The following ROBO2 variants were observed in gnomAD, a reference collection of about 807,000 sequenced individuals.
ROBO2 encodes the protein roundabout homolog 2.
A neutral mutation model predicts 160.8 loss-of-function variants in ROBO2; 53 were observed. That is an observed-to-expected ratio of 0.33 (90% confidence interval 0.26 to 0.41). The LOEUF (loss-of-function observed/expected upper bound fraction) is 0.41. ROBO2 is among the 10% of genes least tolerant of loss of function. The pLI is 1.00. For synonymous variants in ROBO2, 664 were observed against 611.7 expected (o/e 1.09, Z -1.26); for missense variants, 1,577 against 1,722.4 (o/e 0.92, Z 1.49).
At chr3:76,160,421 T>G (rs13434220) in intron 2 of ROBO2, among the ~76,000 whole-genome samples, 7,020 of 150,004 alleles carry the variant, frequency 0.047, 374 homozygotes, top group East Asian at 0.23. Flanking sequence ...TAATTGAGAT[T>G]TCTATGATGT....
At chr3:76,916,101 G>T (rs925050001) in intron 2 of ROBO2, among the ~76,000 whole-genome samples, 2 of 152,132 alleles carry the variant, frequency 1.3e-5, no homozygotes, top group African/African-American at 4.8e-5. Flanking sequence ...TTTGGGGGCT[G>T]GGGGGACGCA....
chr3:76,272,641 C>G (rs1032251273), intron 2 of ROBO2, among the ~76,000 whole-genome samples: 4 of 81,908 alleles, frequency 4.9e-5, no homozygotes, highest in Non-Finnish European at 1.3e-4. Context: ...CCAGCCTGGG[C>G]GAAAGAGCGA....
intron 2 of ROBO2, among the ~76,000 whole-genome samples, chr3:77,205,358 CA>C (rs2083325990): frequency 6.6e-6 from 1 of 151,964 alleles, no homozygotes. Context: ...CCTCTCTGAG[CA>C]CCCCCAGCAG....
At chr3:76,233,163 A>G (rs1039703087) in intron 2 of ROBO2, among the ~76,000 whole-genome samples, 2 of 151,034 alleles carry the variant, frequency 1.3e-5, no homozygotes, top group Non-Finnish European at 2.9e-5. Flanking sequence ...TTTATTTTTC[A>G]GGTAAAGTCT....
chr3:76,487,980 C>T (rs989588163), intron 2 of ROBO2, among the ~76,000 whole-genome samples: 2 of 152,146 alleles, frequency 1.3e-5, no homozygotes, highest in African/African-American at 4.8e-5. Flanking sequence ...ACATCATTAC[C>T]TTTGCCATAT....
intron 2 of ROBO2, among the ~76,000 whole-genome samples, chr3:77,015,893 A>G (rs551380958): frequency 6.6e-6 from 1 of 152,088 alleles, no homozygotes; most frequent in Non-Finnish European, 1.5e-5. Context: ...TTGAAATATA[A>G]CTTGATCTAA....
At chr3:76,721,140 A>G (rs2093459447) in intron 2 of ROBO2, among the ~76,000 whole-genome samples, 1 of 152,238 alleles carries the variant, frequency 6.6e-6, no homozygotes, top group African/African-American at 2.4e-5. Context: ...TTAATAAAAA[A>G]TCAATCTGTA....
Position 76,851,764 on chromosome 3 carries a change from A to AATATATATATATATATATATATATATAT in ROBO2, c.110-246246_110-246245insATATATATATATATATATATATATATAT, listed in dbSNP as rs1553659596. ...CTCAAAAAAAAAAAAAAAAAAAAAA[A>AATATATATATATATATATATATATATAT]ATATTAACATGTGCTTGAATATAGT... On this transcript the variant is annotated intron_variant, in intron 2 of 26. Transcript: ENST00000487694. Among the ~76,000 whole-genome samples the AATATATATATATATATATATATATATAT allele has an allele frequency of 6.6e-5, 9 of 137,024 alleles. No homozygotes were observed. The East Asian group carries it at 1.1e-3, about 16-fold the overall frequency. 89.9% of individuals were successfully genotyped at this position (137,024 alleles called of 152,430 possible).
intron 2 of ROBO2, among the ~76,000 whole-genome samples, chr3:76,659,239 T>G (rs1260802151): frequency 6.7e-6 from 1 of 150,146 alleles, no homozygotes; most frequent in African/African-American, 2.4e-5. Flanking sequence ...ATATTATATT[T>G]ATTATATTAT....
rs542376276 is a variant in ROBO2 at position 76,292,510 on chromosome 3, C to A, written c.109+354908C>A. Among the ~76,000 whole-genome samples the A allele has an allele frequency of 6.6e-5, 10 of 152,248 alleles. No homozygotes were observed. In the East Asian group the frequency reaches 1.4e-3, roughly 21 times the overall value. On this transcript the variant is annotated intron_variant, in intron 2 of 26. Coordinates refer to the ROBO2 transcript ENST00000487694. Reference sequence around the variant, plus strand: ...AAGAATGTAGACTCTCTATTCCACCCATTCTATCCTTTTACTTCCATGTGT... The same window carrying A: ...AAGAATGTAGACTCTCTATTCCACCAATTCTATCCTTTTACTTCCATGTGT...
chr3:75,981,394 C>A (rs1039894846), intron 2 of ROBO2, among the ~76,000 whole-genome samples: 1 of 151,308 alleles, frequency 6.6e-6, no homozygotes, highest in African/African-American at 2.4e-5. Flanking sequence ...GTACGTATAT[C>A]TTGAAAGACA....
rs58517740 is a variant in ROBO2, at chr3:76,521,045, C to CTTTTT, written c.110-576950_110-576946dup. On this transcript the variant is annotated intron_variant, in intron 2 of 26. Coordinates refer to the ROBO2 transcript ENST00000487694. Reference sequence around the variant, plus strand: ...AAAACAGTTGCAACAAAAATTGCTTCTTTTTTTTTTTTTTTTTTTTTTTGA... The same window carrying CTTTTT: ...AAAACAGTTGCAACAAAAATTGCTTCTTTTTTTTTTTTTTTTTTTTTTTTTTTTGA... Among the ~76,000 whole-genome samples the CTTTTT allele has an allele frequency of 3.4e-3, 345 of 100,060 alleles. 3 individuals are homozygous for CTTTTT. Among genetic ancestry groups the CTTTTT allele is most frequent in the African/African-American group, 0.012 (292 of 24,074 alleles). The allele number at this position is 100,060 out of a possible 152,430, so 65.6% of individuals were successfully genotyped here. A position where few individuals can be genotyped will look rare whatever the true frequency, so the allele number is the denominator to read the frequency against.
chr3:77,394,102 G>A (rs916748497), intron 2 of ROBO2, among the ~76,000 whole-genome samples: 5 of 152,058 alleles, frequency 3.3e-5, no homozygotes, highest in African/African-American at 1.2e-4. Flanking sequence ...TCTTTCAAAA[G>A]CAACGGTGAT....
intron 16 of ROBO2, among the ~76,000 whole-genome samples, chr3:77,586,346 T>C (rs1559670535): frequency 6.6e-6 from 1 of 152,292 alleles, no homozygotes; most frequent in Non-Finnish European, 1.5e-5. Flanking sequence ...CACGCTTACA[T>C]TACATAGTTG....
chr3:76,323,244 C>T (rs2072728845), intron 2 of ROBO2, among the ~76,000 whole-genome samples: 1 of 151,060 alleles, frequency 6.6e-6, no homozygotes, highest in African/African-American at 2.4e-5. Context: ...AAATGCTTTC[C>T]AAGTATAATC....
At chr3:76,166,201 G>A (rs771886720) in intron 2 of ROBO2, among the ~76,000 whole-genome samples, 1 of 151,986 alleles carries the variant, frequency 6.6e-6, no homozygotes, top group Non-Finnish European at 1.5e-5. Context: ...ATAAAATTAT[G>A]GACAATAAAA....
chr3:77,634,799 A>C, intron 23 of ROBO2, 71 bp from the exon 25 acceptor site: 1 of 1,441,978 alleles, frequency 6.9e-7, no homozygotes, highest in Non-Finnish European at 9.8e-7. Flanking sequence ...GTCATAGTGC[A>C]GAAATATAGG....
At chr3:76,192,796 GTCTATTTCATCTC>G (rs1166226141) in intron 2 of ROBO2, among the ~76,000 whole-genome samples, 3 of 151,662 alleles carry the variant, frequency 2.0e-5, no homozygotes, top group Non-Finnish European at 4.4e-5. Flanking sequence ...AATACAATCT[GTCTATTTCATCTC>G]TCTACAGCTT....
chr3:76,528,878 G>A (rs2082082059), intron 2 of ROBO2, among the ~76,000 whole-genome samples: 1 of 152,068 alleles, frequency 6.6e-6, no homozygotes. Context: ...AATGCAAAGT[G>A]CAGTGTCCTT....
Sources: gnomAD v4.1 joint callset for allele counts (sites outside exome capture counted in the v4.1 genomes callset) on GRCh38, gnomAD v4.1.1 for gene constraint, MANE v1.5 for transcripts, NCBI Gene and HGNC (gene_info 2026-07-23, HGNC 2026-07-21) for gene names.